Variants in PRKG1 observed in about 807,000 individuals in gnomAD.
PRKG1 encodes cGMP-dependent protein kinase 1.
In PRKG1, 35 loss-of-function variants were observed where a neutral mutation model predicts 88.1. That is an observed-to-expected ratio of 0.40 (90% confidence interval 0.30 to 0.53). The LOEUF (loss-of-function observed/expected upper bound fraction) is 0.53. Among genes scored for constraint, PRKG1 ranks in the 20% least tolerant of loss-of-function variants. The probability of loss-of-function intolerance (pLI) is 0.59; values close to 1 mark genes in which losing one functional copy is unlikely to be tolerated. For synonymous variants in PRKG1, 303 were observed against 292.5 expected, an observed-to-expected ratio of 1.04 and a Z score of -0.37; for missense variants, 540 against 839.8, an observed-to-expected ratio of 0.64 and a Z score of 4.41.
intron 4 of PRKG1, among the ~76,000 whole-genome samples, chr10:51,888,567 C>T (rs1261039456): frequency 6.6e-6 from 1 of 152,178 alleles, no homozygotes; most frequent in Admixed American, 6.5e-5. Context: ...TAGCTTTCTC[C>T]ATGGTGGCCT....
chr10:51,005,699 T>G (rs1211235191), intron 1 of PRKG1, among the ~76,000 whole-genome samples: 1 of 152,196 alleles, frequency 6.6e-6, no homozygotes, highest in East Asian at 1.9e-4. Context: ...TGTGATGAAT[T>G]GTCCATAAGG....
chr10:51,206,554 A>G (rs1838067216), intron 2 of PRKG1, among the ~76,000 whole-genome samples: 1 of 152,096 alleles, frequency 6.6e-6, no homozygotes, highest in East Asian at 1.9e-4. Context: ...CAGAATGAAA[A>G]CTTAAAACCA....
intron 3 of PRKG1, among the ~76,000 whole-genome samples, chr10:51,499,497 T>A (rs921766682): frequency 2.0e-5 from 3 of 152,248 alleles, no homozygotes; most frequent in African/African-American, 4.8e-5. Context: ...TTTTATATCA[T>A]GTAATTTTAT....
At chr10:51,433,909 C>A (rs957983824) in intron 2 of PRKG1, among the ~76,000 whole-genome samples, 1 of 152,088 alleles carries the variant, frequency 6.6e-6, no homozygotes, top group Non-Finnish European at 1.5e-5. Context: ...TCCATCATTT[C>A]TCTCCATCAT....
At chr10:51,723,267 T>C (rs937317344) in intron 3 of PRKG1, among the ~76,000 whole-genome samples, 5 of 152,150 alleles carry the variant, frequency 3.3e-5, no homozygotes, top group Admixed American at 2.6e-4. Context: ...ATGTGGCACA[T>C]ATACACCATG....
intron 3 of PRKG1, among the ~76,000 whole-genome samples, chr10:51,500,345 C>T (rs774725128): frequency 4.6e-5 from 7 of 152,112 alleles, no homozygotes; most frequent in Non-Finnish European, 8.8e-5. Context: ...TGTTTAATGC[C>T]ACTGTTTTAA....
intron 2 of PRKG1, among the ~76,000 whole-genome samples, chr10:51,374,830 C>A (rs768330000): frequency 6.6e-6 from 1 of 152,176 alleles, no homozygotes; most frequent in Non-Finnish European, 1.5e-5. Flanking sequence ...CTTCTAAGCT[C>A]ACGTGAGTGT....
intron 5 of PRKG1, among the ~76,000 whole-genome samples, chr10:51,967,536 G>A (rs1189390833): frequency 6.6e-6 from 1 of 151,226 alleles, no homozygotes; most frequent in Non-Finnish European, 1.5e-5. Context: ...TTGTGCACAT[G>A]TACCCTAAAA....
intron 3 of PRKG1, among the ~76,000 whole-genome samples, chr10:51,638,550 C>G (rs919342289): frequency 6.6e-6 from 1 of 152,146 alleles, no homozygotes; most frequent in Non-Finnish European, 1.5e-5. Context: ...AGAAATAAGA[C>G]ATTGATTCTT....
chr10:52,207,589 C>G (rs59549474), intron 9 of PRKG1, among the ~76,000 whole-genome samples: 24,320 of 152,110 alleles, frequency 0.16, 2,252 homozygotes, highest in South Asian at 0.29. Context: ...CTGCACCAAA[C>G]CTTGAAGCTC....
At chr10:51,381,356 G>C (rs1277693557) in intron 2 of PRKG1, among the ~76,000 whole-genome samples, 1 of 143,882 alleles carries the variant, frequency 7.0e-6, no homozygotes, top group Admixed American at 7.3e-5. Flanking sequence ...ATGAGTGAGT[G>C]AATGAATGAA....
chr10:51,596,694 T>C (rs1018540424), intron 3 of PRKG1, among the ~76,000 whole-genome samples: 1 of 152,190 alleles, frequency 6.6e-6, no homozygotes, highest in East Asian at 1.9e-4. Context: ...AACAGCGTTA[T>C]CTCTTCGTTT....
chr10:51,315,683 A>G (rs551738535), intron 2 of PRKG1, among the ~76,000 whole-genome samples: 1 of 152,336 alleles, frequency 6.6e-6, no homozygotes, highest in African/African-American at 2.4e-5. Flanking sequence ...AAGATAATTC[A>G]GTTGTGGGCC....
At chr10:51,836,761 T>C (rs1840141687) in intron 4 of PRKG1, among the ~76,000 whole-genome samples, 1 of 152,156 alleles carries the variant, frequency 6.6e-6, no homozygotes, top group South Asian at 2.1e-4. Flanking sequence ...GAATAGATAT[T>C]TATCAAAAGA....
intron 5 of PRKG1, among the ~76,000 whole-genome samples, chr10:52,006,083 C>G (rs10823946): frequency 0.41 from 42,901 of 104,038 alleles, 6,221 homozygotes; most frequent in South Asian, 0.47. Flanking sequence ...TAAAAGAAAA[C>G]AAAACAAACA....
rs187096284 is a variant in PRKG1 at position 52,014,501 on chromosome 10, T to A, written c.763-39983T>A. ...ATTACAATTCAAGGTGATATTTGGG[T>A]GGGGACACAGAGCCAAACCATATCA... is the stretch of plus-strand genomic sequence containing the variant. On this transcript the variant is annotated intron_variant, in intron 5 of 17. Coordinates refer to ENST00000373980, the MANE Select transcript of PRKG1 (RefSeq NM_006258.4). Among the ~76,000 whole-genome samples, 5 of 152,296 alleles carry A rather than the reference T, an allele frequency of 3.3e-5. No homozygotes were observed. The East Asian group carries it at 9.7e-4, about 29-fold the overall frequency.
At chr10:51,742,463 G>A (rs1377680763) in intron 3 of PRKG1, among the ~76,000 whole-genome samples, 1 of 152,172 alleles carries the variant, frequency 6.6e-6, no homozygotes, top group Non-Finnish European at 1.5e-5. Flanking sequence ...CTAACAAAGA[G>A]GGAGAAGACC....
In PRKG1 at chr10:52,276,985, G is replaced by C. The variant is rs79864356; in HGVS notation, c.1404-3804G>C. 1.2e-4 allele frequency among the ~76,000 whole-genome samples: 18 copies of C among 152,008 alleles called. 1 individual carries two copies. The highest frequency in any genetic ancestry group is 1.2e-3 in the Admixed American group (18 of 15,240). On this transcript the variant is annotated intron_variant, in intron 12 of 17. Transcript: ENST00000373980. ...AGGTTTTCATTTAATTTTCAAAATC[G>C]GTTACAAATATATTTATATGTGAAA...
At chr10:51,636,782 A>G (rs1839666695) in intron 3 of PRKG1, among the ~76,000 whole-genome samples, 1 of 152,156 alleles carries the variant, frequency 6.6e-6, no homozygotes, top group African/African-American at 2.4e-5. Context: ...TAACTAATCA[A>G]TTTCCTTTTC....
Sources: allele counts gnomAD v4.1 joint callset (sites outside exome capture counted in the v4.1 genomes callset), GRCh38; gene constraint gnomAD v4.1.1; transcripts MANE v1.5; gene names NCBI Gene and HGNC (gene_info 2026-07-23, HGNC 2026-07-21).